Variants in TBL1X observed in about 807,000 individuals in gnomAD.
The protein encoded by TBL1X is transducin beta like 1 X-linked, also known as F-box-like/WD repeat-containing protein TBL1X.
Under a neutral mutation model 50.7 loss-of-function variants are expected in TBL1X, and 10 were observed. The ratio of observed to expected loss-of-function variants is 0.20; its 90% CI spans 0.12 to 0.33. The LOEUF is 0.33. TBL1X is among the 10% of genes least tolerant of loss of function. The pLI is 1.00. For synonymous variants in TBL1X, 190 were observed against 214.7 expected (o/e 0.88, Z 1.01); for missense variants, 340 against 504.4 (o/e 0.67, Z 3.12).
chrX:9,625,780 A>G (rs1313519230), intron 2 of TBL1X, among the ~76,000 whole-genome samples: 1 of 111,900 alleles, frequency 8.9e-6, no homozygotes, highest in Non-Finnish European at 1.9e-5. Context: ...TCTACTAAAA[A>G]TACAAAAAAT....
chrX:9,579,973 A>T (rs1248063725), intron 2 of TBL1X, among the ~76,000 whole-genome samples: 7 of 111,668 alleles, frequency 6.3e-5, no homozygotes. Context: ...CACTATCATT[A>T]TTGGAGTTGC....
intron 2 of TBL1X, among the ~76,000 whole-genome samples, 168 bp downstream of exon 2, chrX:9,502,017 C>T (rs2521384): frequency 9.0e-6 from 1 of 111,252 alleles, no homozygotes; most frequent in South Asian, 3.7e-4. Flanking sequence ...GGTAGCCATG[C>T]GCCACATGTG....
At chrX:9,596,678 C>G (rs761402419) in intron 2 of TBL1X, among the ~76,000 whole-genome samples, 2 of 111,485 alleles carry the variant, frequency 1.8e-5, no homozygotes, top group Non-Finnish European at 3.8e-5. Flanking sequence ...ATAATCACCC[C>G]TAGTTGAAAA....
rs759650965 is a variant in TBL1X at position 9,612,785 on chromosome X, A to G, written c.-130-27488A>G. Among the ~76,000 whole-genome samples, 20 of 111,513 alleles carry G rather than the reference A, an allele frequency of 1.8e-4. No individual in the cohort carries two copies. In the South Asian group the frequency reaches 7.5e-3, roughly 42 times the overall value. On this transcript the variant is annotated intron_variant, in intron 2 of 17. Transcript: ENST00000645353. ...CACTTATTTCACATTGCATGCCTGT[A>G]TCAAAACATCTCATGTACTCCATAA...
At chrX:9,569,214 G>A (rs1458817993) in intron 2 of TBL1X, among the ~76,000 whole-genome samples, 1 of 104,214 alleles carries the variant, frequency 9.6e-6, no homozygotes, top group Non-Finnish European at 2.0e-5. Flanking sequence ...TGTGTGTGAT[G>A]TGCTGTCTTT....
At chrX:9,628,554 CT>C (rs3043949) in intron 2 of TBL1X, among the ~76,000 whole-genome samples, 2 of 102,636 alleles carry the variant, frequency 1.9e-5, no homozygotes, top group Admixed American at 1.1e-4. Flanking sequence ...TTTTTCTTTT[CT>C]TTTTTTTTTG....
chrX:9,603,022 C>T, intron 2 of TBL1X, among the ~76,000 whole-genome samples: 1 of 112,493 alleles, frequency 8.9e-6, no homozygotes, highest in Non-Finnish European at 1.9e-5. Context: ...GATTTGTTTA[C>T]TTTTCAGACA....
chrX:9,694,524 G>A (rs1230358451), intron 11 of TBL1X, among the ~76,000 whole-genome samples: 1 of 111,655 alleles, frequency 9.0e-6, no homozygotes, highest in South Asian at 3.7e-4. Context: ...AACCAGCGAG[G>A]CAGAGGAGGT....
At chrX:9,630,110 A>G (rs2082713333) in intron 2 of TBL1X, among the ~76,000 whole-genome samples, 1 of 111,463 alleles carries the variant, frequency 9.0e-6, no homozygotes, top group South Asian at 3.8e-4. Context: ...CCTCAGTTTG[A>G]TGATGCTCTG....
At chrX:9,684,507 A>T (rs2083044686) in intron 6 of TBL1X, among the ~76,000 whole-genome samples, 1 of 104,993 alleles carries the variant, frequency 9.5e-6, no homozygotes, top group African/African-American at 3.5e-5. Flanking sequence ...GGATCAGATC[A>T]CTTAAGCCTG....
chrX:9,624,257 C>A (rs1285839202), intron 2 of TBL1X, among the ~76,000 whole-genome samples: 3 of 112,299 alleles, frequency 2.7e-5, no homozygotes, highest in Non-Finnish European at 5.6e-5. Flanking sequence ...TTGCAAAGAG[C>A]TGTTCTCTGC....
At chrX:9,670,263 C>T (rs927888263) in intron 5 of TBL1X, among the ~76,000 whole-genome samples, 9 of 110,794 alleles carry the variant, frequency 8.1e-5, no homozygotes, top group African/African-American at 3.0e-4. Context: ...CTTGGACCTG[C>T]GAACAACCGG....
At chrX:9,566,206 C>G (rs2283687) in intron 2 of TBL1X, among the ~76,000 whole-genome samples, 2 of 111,549 alleles carry the variant, frequency 1.8e-5, no homozygotes, top group African/African-American at 3.3e-5. Context: ...TGGGATGTTC[C>G]GCAGCATCTC....
At chrX:9,658,892 C>T (rs958948425) in intron 5 of TBL1X, among the ~76,000 whole-genome samples, 1 of 112,124 alleles carries the variant, frequency 8.9e-6, no homozygotes. Context: ...GCAGCCTCTA[C>T]CTCCCAAGCT....
At chrX:9,697,530 G>A in intron 12 of TBL1X, 101 bp downstream of exon 12, 2 of 1,116,675 alleles carry the variant, frequency 1.8e-6, no homozygotes, top group Non-Finnish European at 2.4e-6. Flanking sequence ...CCAGCACTTT[G>A]GGAAGCCGAA....
At chrX:9,570,314 T>A (rs1462345495) in intron 2 of TBL1X, among the ~76,000 whole-genome samples, 1 of 112,074 alleles carries the variant, frequency 8.9e-6, no homozygotes. Flanking sequence ...GAAACCTGCT[T>A]TCTCCAGAAA....
intron 6 of TBL1X, among the ~76,000 whole-genome samples, 200 bp from the exon 7 acceptor site, chrX:9,687,817 C>T (rs749796031): frequency 4.4e-4 from 49 of 110,822 alleles, no homozygotes; most frequent in Non-Finnish European, 4.2e-4. Flanking sequence ...AACAGTTTGT[C>T]GTGTCCCCTT....
chrX:9,620,651 A>G (rs1260419299), intron 2 of TBL1X, among the ~76,000 whole-genome samples: 3 of 112,107 alleles, frequency 2.7e-5, no homozygotes, highest in Non-Finnish European at 5.6e-5. Flanking sequence ...TGCGAAGGCC[A>G]GGCACCCAGG....
chrX:9,687,125 C>T (rs576154102), intron 6 of TBL1X, among the ~76,000 whole-genome samples: 3 of 112,184 alleles, frequency 2.7e-5, no homozygotes, highest in East Asian at 2.8e-4. Flanking sequence ...TCACCTGATT[C>T]GAATATCTGG....
Sources: allele counts gnomAD v4.1 joint callset (sites outside exome capture counted in the v4.1 genomes callset), GRCh38; gene constraint gnomAD v4.1.1; transcripts MANE v1.5; gene names NCBI Gene and HGNC (gene_info 2026-07-23, HGNC 2026-07-21).